Variants in CMIP observed in about 807,000 individuals in gnomAD.
The protein encoded by CMIP is c-Maf inducing protein.
In CMIP, 13 loss-of-function variants were observed where a neutral mutation model predicts 97.3. The ratio of observed to expected loss-of-function variants is 0.13; its 90% CI spans 0.09 to 0.21. The LOEUF (loss-of-function observed/expected upper bound fraction) is 0.21, where lower values mean the gene tolerates loss of function less well. Ranked by LOEUF, CMIP falls within the 10% of genes least tolerant of loss-of-function variation. The probability of loss-of-function intolerance (pLI) is 1.00; values close to 1 mark genes in which losing one functional copy is unlikely to be tolerated. For missense variants in CMIP, 847 were observed against 1,024.9 expected (o/e 0.83, Z 2.37); for synonymous variants, 538 against 436.3 (o/e 1.23, Z -2.91).
chr16:81,505,925 G>A (rs1182934685), intron 1 of CMIP, among the ~76,000 whole-genome samples: 1 of 152,230 alleles, frequency 6.6e-6, no homozygotes, highest in Non-Finnish European at 1.5e-5. Context: ...AACCCGGGAG[G>A]TGGAGGTTGC....
At chr16:81,492,889 A>G (rs1475489911) in intron 1 of CMIP, among the ~76,000 whole-genome samples, 2 of 151,968 alleles carry the variant, frequency 1.3e-5, no homozygotes, top group Admixed American at 1.3e-4. Context: ...TACGTGGGAG[A>G]GAGAGACCCA....
chr16:81,527,717 C>T (rs2090159514), intron 1 of CMIP, among the ~76,000 whole-genome samples: 1 of 152,206 alleles, frequency 6.6e-6, no homozygotes, highest in South Asian at 2.1e-4. Flanking sequence ...TTATGTCTGG[C>T]CTCTTTGGCT....
chr16:81,517,586 T>C (rs183456873), intron 1 of CMIP, among the ~76,000 whole-genome samples: 42 of 152,354 alleles, frequency 2.8e-4, no homozygotes, highest in African/African-American at 9.6e-4. Flanking sequence ...TTCTCATTTC[T>C]ATATTATTCA....
At chr16:81,547,048 C>G (rs1002921255) in intron 1 of CMIP, among the ~76,000 whole-genome samples, 5 of 152,116 alleles carry the variant, frequency 3.3e-5, no homozygotes, top group African/African-American at 1.2e-4. Flanking sequence ...TGTGACAGTA[C>G]AGGGCAGTCT....
Position 81,705,558 on chromosome 16 carries a change from C to G in CMIP, c.2151C>G (p.Asn717Lys). 1 of 1,609,430 alleles carries G rather than the reference C, an allele frequency of 6.2e-7. No homozygotes were observed. The highest frequency in any genetic ancestry group is 8.5e-7 in the Non-Finnish European group (1 of 1,178,626). Residue 717 changes from asparagine to lysine, a missense_variant, in exon 19 of 21, where the codon AAC (asparagine) becomes AAG (lysine). Coordinates refer to ENST00000537098, the MANE Select transcript of CMIP (RefSeq NM_198390.3). ...ACCTCACCATGCTCCAGGTGCTGAA[C>G]CTGTGCGAGACCCCGGTCACAGACG... ...SEHLTMLQVL[N>K]LCETPVTDAG...
rs139866120 is a variant in CMIP, at chr16:81,537,529, C to T, written c.301-70038C>T. On this transcript the variant is annotated intron_variant, in intron 1 of 20. Coordinates refer to ENST00000537098, the MANE Select transcript of CMIP (RefSeq NM_198390.3). ...CAGCTTGGGTGACAGAGAGAGACTCCGTCTCCAAAAAAAAGACAAAAAAAA... is the reference window on the plus strand; with the variant it reads ...CAGCTTGGGTGACAGAGAGAGACTCTGTCTCCAAAAAAAAGACAAAAAAAA... Among the ~76,000 whole-genome samples, 335 of 125,812 alleles carry T rather than the reference C, an allele frequency of 2.7e-3. 4 individuals are homozygous for T. Among genetic ancestry groups the T allele is most frequent in the African/African-American group, 9.1e-3 (289 of 31,682 alleles). The allele number at this position is 125,812 out of a possible 152,430, so 82.5% of individuals were successfully genotyped here.
intron 13 of CMIP, 159 bp from the exon 14 acceptor site, chr16:81,696,400 AT>A (rs1906722796): frequency 1.4e-6 from 1 of 703,944 alleles, no homozygotes; most frequent in African/African-American, 1.8e-5. Flanking sequence ...CTTTCATGGC[AT>A]TTGGTGGAAG....
intron 14 of CMIP, among the ~76,000 whole-genome samples, chr16:81,699,351 T>G (rs1463123012): frequency 6.6e-6 from 1 of 152,268 alleles, no homozygotes; most frequent in Non-Finnish European, 1.5e-5. Context: ...ATTATAGATT[T>G]ATACAAAAGA....
At chr16:81,643,719 A>C (rs979799504) in intron 3 of CMIP, among the ~76,000 whole-genome samples, 2 of 152,128 alleles carry the variant, frequency 1.3e-5, no homozygotes, top group Non-Finnish European at 2.9e-5. Flanking sequence ...TTGAACCCAG[A>C]AGGCAAAGGT....
chr16:81,653,392 C>T (rs1281838178), intron 4 of CMIP, among the ~76,000 whole-genome samples: 1 of 152,248 alleles, frequency 6.6e-6, no homozygotes, highest in South Asian at 2.1e-4. Context: ...GAGAAGGTCC[C>T]TCACTCCAGG....
intron 1 of CMIP, among the ~76,000 whole-genome samples, chr16:81,447,222 G>A (rs1233726419): frequency 6.6e-6 from 1 of 151,950 alleles, no homozygotes; most frequent in Non-Finnish European, 1.5e-5. Context: ...CTGGCTCAGG[G>A]GGACTTTATT....
intron 1 of CMIP, among the ~76,000 whole-genome samples, chr16:81,538,132 G>T (rs1295645383): frequency 6.6e-6 from 1 of 152,224 alleles, no homozygotes; most frequent in African/African-American, 2.4e-5. Context: ...ATTCTTAGAT[G>T]GGGGAACTGA....
At chr16:81,707,717 A>G (rs1317869236) in intron 20 of CMIP, among the ~76,000 whole-genome samples, 4 of 152,208 alleles carry the variant, frequency 2.6e-5, no homozygotes, top group African/African-American at 9.6e-5. Flanking sequence ...ACACGTGCAC[A>G]TCTTGGGAAG....
intron 13 of CMIP, among the ~76,000 whole-genome samples, 157 bp downstream of exon 13, chr16:81,693,644 G>A (rs552252161): frequency 5.9e-5 from 9 of 152,338 alleles, no homozygotes; most frequent in African/African-American, 2.2e-4. Context: ...GCCTGGTGCA[G>A]AGCCCAGCCT....
intron 1 of CMIP, among the ~76,000 whole-genome samples, chr16:81,544,207 C>T (rs953166501): frequency 2.6e-5 from 4 of 152,232 alleles, no homozygotes; most frequent in African/African-American, 9.6e-5. Context: ...CTCACGGAGA[C>T]AGACTCAAGT....
chr16:81,584,439 T>G (rs543334290), intron 1 of CMIP, among the ~76,000 whole-genome samples: 2 of 152,346 alleles, frequency 1.3e-5, no homozygotes, highest in African/African-American at 4.8e-5. Flanking sequence ...AAGCTGAGTG[T>G]AAGGCCATGT....
chr16:81,580,459 A>G (rs919622296), intron 1 of CMIP, among the ~76,000 whole-genome samples: 1 of 151,182 alleles, frequency 6.6e-6, no homozygotes, highest in African/African-American at 2.4e-5. Context: ...TTTGAAATGG[A>G]GTCTCACTCT....
At chr16:81,536,388 C>T (rs1380798786) in intron 1 of CMIP, among the ~76,000 whole-genome samples, 2 of 152,152 alleles carry the variant, frequency 1.3e-5, no homozygotes, top group African/African-American at 4.8e-5. Context: ...GTACCTCTCT[C>T]ACCTGTCATT....
intron 1 of CMIP, among the ~76,000 whole-genome samples, chr16:81,533,214 A>C (rs904359530): frequency 2.6e-5 from 4 of 152,186 alleles, no homozygotes; most frequent in Non-Finnish European, 5.9e-5. Flanking sequence ...ATCCCACTAG[A>C]AAGGCAGGGG....
Sources: gnomAD v4.1 joint callset for allele counts (sites outside exome capture counted in the v4.1 genomes callset) on GRCh38, gnomAD v4.1.1 for gene constraint, MANE v1.5 for transcripts, NCBI Gene and HGNC (gene_info 2026-07-23, HGNC 2026-07-21) for gene names.